The following DPYD variants were observed in gnomAD, a reference collection of about 807,000 sequenced individuals.
The protein encoded by DPYD is dihydropyrimidine dehydrogenase, also known as dihydropyrimidine dehydrogenase [NADP(+)].
A neutral mutation model predicts 116.2 loss-of-function variants in DPYD; 109 were observed. The observed-to-expected ratio is 0.94, with a 90% confidence interval of 0.80 to 1.10. The LOEUF (loss-of-function observed/expected upper bound fraction) is 1.10. Among genes scored for constraint, DPYD ranks in the 50% least tolerant of loss-of-function variants. DPYD has a pLI of 0.00. For missense variants in DPYD, 1,302 were observed against 1,254.5 expected, an observed-to-expected ratio of 1.04 and a Z score of -0.57; for synonymous variants, 440 against 432.0, an observed-to-expected ratio of 1.02 and a Z score of -0.23.
At chr1:97,663,183 T>G (rs1248338988) in intron 8 of DPYD, among the ~76,000 whole-genome samples, 1 of 152,142 alleles carries the variant, frequency 6.6e-6, no homozygotes, top group Admixed American at 6.6e-5. Flanking sequence ...TCATATTATT[T>G]CCCCAGAACT....
At chr1:97,251,324 G>A (rs1373811293) in intron 18 of DPYD, among the ~76,000 whole-genome samples, 3 of 150,332 alleles carry the variant, frequency 2.0e-5, no homozygotes, top group South Asian at 2.1e-4. Flanking sequence ...TCTGGGAGGC[G>A]GAGGTTGCAG....
chr1:97,204,027 AAAAGTT>A (rs1411083293), intron 19 of DPYD, among the ~76,000 whole-genome samples: 4 of 152,092 alleles, frequency 2.6e-5, no homozygotes, highest in Non-Finnish European at 2.9e-5. Context: ...TCTGGGACAC[AAAAGTT>A]AAAGTTCAGT....
intron 13 of DPYD, among the ~76,000 whole-genome samples, chr1:97,480,072 A>G (rs1211051472): frequency 6.6e-6 from 1 of 152,176 alleles, no homozygotes; most frequent in Non-Finnish European, 1.5e-5. Flanking sequence ...TCTCAGTAGC[A>G]GCATTAAATG....
At chr1:97,235,867 T>C (rs1661889380) in intron 18 of DPYD, among the ~76,000 whole-genome samples, 1 of 152,148 alleles carries the variant, frequency 6.6e-6, no homozygotes, top group Non-Finnish European at 1.5e-5. Context: ...TTTTCACATA[T>C]TAGAAAGTTT....
intron 16 of DPYD, among the ~76,000 whole-genome samples, chr1:97,346,223 T>G (rs1669832572): frequency 6.6e-6 from 1 of 151,894 alleles, no homozygotes; most frequent in Non-Finnish European, 1.5e-5. Flanking sequence ...TCATTTTTAT[T>G]GCTACAAAGT....
intron 13 of DPYD, among the ~76,000 whole-genome samples, chr1:97,474,132 A>G (rs1677818207): frequency 6.6e-6 from 1 of 152,192 alleles, no homozygotes; most frequent in South Asian, 2.1e-4. Context: ...GTGTATATCA[A>G]AAGAGAATGA....
At chr1:97,379,117 C>T (rs941880977) in intron 15 of DPYD, among the ~76,000 whole-genome samples, 3 of 152,102 alleles carry the variant, frequency 2.0e-5, no homozygotes, top group Non-Finnish European at 2.9e-5. Context: ...GTTTAAACTA[C>T]GTAGCCAGAG....
rs148946959 is a variant in DPYD at position 97,830,253 on chromosome 1, C to T, written c.151-2057G>A. ...ATTTTTAACTTTACTTGGGCCTCCA[C>T]CACTGTAGAGGAACAAGTTCATAAA... is the stretch of plus-strand genomic sequence containing the variant. On this transcript the variant is annotated intron_variant, in intron 2 of 22. Transcript: ENST00000370192. Among the ~76,000 whole-genome samples the T allele has an allele frequency of 1.9e-3, 294 of 152,150 alleles. 2 individuals are homozygous for T. Among genetic ancestry groups the T allele is most frequent in the Non-Finnish European group, 2.1e-3 (144 of 68,000 alleles).
chr1:97,319,998 T>C (rs1338227227), intron 16 of DPYD, among the ~76,000 whole-genome samples: 19 of 139,676 alleles, frequency 1.4e-4, no homozygotes, highest in African/African-American at 4.5e-4. Flanking sequence ...ATTATCTCAA[T>C]AGATGCAGAA....
intron 8 of DPYD, among the ~76,000 whole-genome samples, chr1:97,667,847 G>C (rs1034258382): frequency 1.3e-5 from 2 of 152,048 alleles, no homozygotes; most frequent in Non-Finnish European, 2.9e-5. Context: ...TAAACAAAAT[G>C]TGATATATAC....
chr1:97,323,940 A>T (rs1380328319), intron 16 of DPYD, among the ~76,000 whole-genome samples: 1 of 151,834 alleles, frequency 6.6e-6, no homozygotes, highest in Non-Finnish European at 1.5e-5. Flanking sequence ...TCTTGCAACC[A>T]AAAAACCAGT....
At chr1:97,878,251 T>C (rs1314130499) in intron 2 of DPYD, among the ~76,000 whole-genome samples, 2 of 151,908 alleles carry the variant, frequency 1.3e-5, no homozygotes, top group Non-Finnish European at 2.9e-5. Context: ...TACTGAGTCT[T>C]TGTTAGCCCC....
chr1:97,774,928 G>T, intron 3 of DPYD: 1 of 307,348 alleles, frequency 3.3e-6, no homozygotes. Context: ...TCAATGATTT[G>T]CTAGAAATAG....
At chr1:97,683,621 T>C (rs1048561432) in intron 7 of DPYD, among the ~76,000 whole-genome samples, 5 of 152,032 alleles carry the variant, frequency 3.3e-5, no homozygotes, top group Non-Finnish European at 5.9e-5. Flanking sequence ...TATTTCTATT[T>C]AAATTCTGAG....
Position 97,314,426 on chromosome 1 carries a change from G to T in DPYD, c.2059-8129C>A, listed in dbSNP as rs370167829. ...CTTCCTTTCAGACAAAATTTCCCTA[G>T]TGTACCATTCCTCTGACATTCTTAG... On this transcript the variant is annotated intron_variant, in intron 16 of 22. Transcript: ENST00000370192. Among the ~76,000 whole-genome samples the T allele has an allele frequency of 5.1e-4, 77 of 149,590 alleles. No homozygotes were observed. The South Asian group carries it at 5.7e-3, about 11-fold the overall frequency.
At chr1:97,123,550 C>T (rs1652606587) in intron 20 of DPYD, among the ~76,000 whole-genome samples, 1 of 152,066 alleles carries the variant, frequency 6.6e-6, no homozygotes. Flanking sequence ...CTTGGCATCA[C>T]ATTTATACAC....
At chr1:97,622,474 G>C (rs1656686792) in intron 8 of DPYD, among the ~76,000 whole-genome samples, 1 of 151,850 alleles carries the variant, frequency 6.6e-6, no homozygotes, top group Admixed American at 6.6e-5. Flanking sequence ...CCAAAAAAAA[G>C]CATAAGAAGA....
At chr1:97,759,170 A>G (rs1387358170) in intron 3 of DPYD, among the ~76,000 whole-genome samples, 2 of 152,134 alleles carry the variant, frequency 1.3e-5, no homozygotes, top group African/African-American at 4.8e-5. Context: ...CAGTCTGTAT[A>G]CCAGCGTTAC....
At chr1:97,190,286 G>T (rs985591636) in intron 20 of DPYD, among the ~76,000 whole-genome samples, 1 of 152,106 alleles carries the variant, frequency 6.6e-6, no homozygotes, top group Non-Finnish European at 1.5e-5. Flanking sequence ...AGAAGCTTGT[G>T]TTCTGCTCAT....
Sources: gnomAD v4.1 joint callset for allele counts (sites outside exome capture counted in the v4.1 genomes callset) on GRCh38, gnomAD v4.1.1 for gene constraint, MANE v1.5 for transcripts, NCBI Gene and HGNC (gene_info 2026-07-23, HGNC 2026-07-21) for gene names.